UBE2F: variants seen among roughly 807,000 people sequenced by gnomAD.
The protein encoded by UBE2F is NEDD8-conjugating enzyme UBE2F.
Under a neutral mutation model 29.6 loss-of-function variants are expected in UBE2F, and 5 were observed. That is an observed-to-expected ratio of 0.17 (90% CI 0.09 to 0.36). The LOEUF is 0.36. Among genes scored for constraint, UBE2F ranks in the 10% least tolerant of loss-of-function variants. The pLI, the probability that UBE2F is intolerant of heterozygous loss-of-function variation, is 1.00. For missense variants in UBE2F, 141 were observed against 228.5 expected (o/e 0.62, Z 2.47); for synonymous variants, 66 against 81.8 (o/e 0.81, Z 1.04).
rs1026423877 is a variant in UBE2F, at chr2:238,033,243, G to A, written c.444+989G>A. Among the ~76,000 whole-genome samples, 5 of 152,362 alleles carry A rather than the reference G, an allele frequency of 3.3e-5. 1 individual carries two copies. The East Asian group carries it at 5.8e-4, about 18-fold the overall frequency. On this transcript the variant is annotated intron_variant, in intron 8 of 9. Transcript: ENST00000272930. ...TGTTCTCAGGAAATAGCATTTCTCA[G>A]ACAATGGCCCTAGGGCAGGAAGAGG...
intron 3 of UBE2F, among the ~76,000 whole-genome samples, chr2:237,993,296 T>C (rs2063626338): frequency 6.6e-6 from 1 of 152,206 alleles, no homozygotes; most frequent in Non-Finnish European, 1.5e-5. Flanking sequence ...AGCACTCTTC[T>C]TTTTAACTTC....
At chr2:237,981,614 CTTTTTTTTTTTTTTT>C (rs139270010) in intron 2 of UBE2F, among the ~76,000 whole-genome samples, 2,194 of 62,540 alleles carry the variant, frequency 0.035, 83 homozygotes, top group African/African-American at 0.13. Flanking sequence ...AATTTGAATT[CTTTTTTTTTTTTTTT>C]TTTTTTTTTT....
chr2:238,012,044 A>ATTTTTTT (rs34003831), intron 4 of UBE2F, among the ~76,000 whole-genome samples: 9 of 131,512 alleles, frequency 6.8e-5, no homozygotes, highest in Admixed American at 6.2e-4. Context: ...ACACCTGGCA[A>ATTTTTTT]TTTTTTTTTT....
chr2:238,038,880 T>C (rs2064778244), intron 9 of UBE2F, among the ~76,000 whole-genome samples: 1 of 152,218 alleles, frequency 6.6e-6, no homozygotes, highest in Non-Finnish European at 1.5e-5. Flanking sequence ...AGGATGACTG[T>C]GGGAATGACA....
At chr2:238,013,504 A>C (rs1247508682) in intron 4 of UBE2F, among the ~76,000 whole-genome samples, 3 of 129,514 alleles carry the variant, frequency 2.3e-5, no homozygotes, top group Admixed American at 2.3e-4. Flanking sequence ...CTTTTTTTGC[A>C]GGGGGGAAGA....
chr2:238,004,933 C>T (rs2063869809), intron 4 of UBE2F, among the ~76,000 whole-genome samples: 1 of 152,186 alleles, frequency 6.6e-6, no homozygotes, highest in Admixed American at 6.5e-5. Context: ...ATGCTGGCAG[C>T]TTCTGACCGC....
intron 4 of UBE2F, among the ~76,000 whole-genome samples, chr2:238,013,414 G>A (rs1436438624): frequency 3.3e-5 from 5 of 152,140 alleles, no homozygotes; most frequent in African/African-American, 4.8e-5. Context: ...TTATCAGTGC[G>A]TCACGGGTAC....
intron 6 of UBE2F, among the ~76,000 whole-genome samples, chr2:238,026,722 C>G (rs905045933): frequency 2.0e-5 from 3 of 152,128 alleles, no homozygotes; most frequent in African/African-American, 4.8e-5. Context: ...TGTGAGCCAC[C>G]GCGCCGGGCC....
chr2:238,002,456 C>T lies in UBE2F; in HGVS notation c.214+7647C>T, dbSNP rs936364546. Among the ~76,000 whole-genome samples the T allele has an allele frequency of 3.3e-5, 5 of 152,144 alleles. No individual in the cohort carries two copies. In the South Asian group the frequency reaches 6.2e-4, roughly 19 times the overall value. On this transcript the variant is annotated intron_variant, in intron 4 of 9. Coordinates refer to ENST00000272930, the MANE Select transcript of UBE2F (RefSeq NM_080678.3). Reference sequence around the variant, plus strand: ...TTCACTATGTTGGCCAGGCTGGTCTCGACCTCCTGACCTCTGGTGATCTTC... The same window carrying T: ...TTCACTATGTTGGCCAGGCTGGTCTTGACCTCCTGACCTCTGGTGATCTTC...
chr2:238,007,614 A>G (rs564516383), intron 4 of UBE2F, among the ~76,000 whole-genome samples: 2 of 152,280 alleles, frequency 1.3e-5, no homozygotes, highest in South Asian at 4.1e-4. Flanking sequence ...CTTTTTCTGC[A>G]TCTACTGAGG....
At chr2:238,007,102 C>T (rs1356360900) in intron 4 of UBE2F, among the ~76,000 whole-genome samples, 1 of 151,074 alleles carries the variant, frequency 6.6e-6, no homozygotes, top group Non-Finnish European at 1.5e-5. Flanking sequence ...TTCATCATTA[C>T]GTGTATGGTT....
At chr2:238,028,864 A>T (rs1374796662) in intron 6 of UBE2F, 1 of 152,354 alleles carries the variant, frequency 6.6e-6, no homozygotes, top group East Asian at 1.9e-4. Flanking sequence ...CCACAGCACA[A>T]TAATTCAACA....
chr2:238,029,278 T>TAA (rs11448486), intron 6 of UBE2F, among the ~76,000 whole-genome samples: 2,977 of 150,076 alleles, frequency 0.02, 43 homozygotes, highest in Non-Finnish European at 0.031. Flanking sequence ...TTTTGAACTT[T>TAA]AAAAAAATAA....
Position 237,992,473 on chromosome 2 carries a change from C to T in UBE2F, c.149-2271C>T, listed in dbSNP as rs764690125. Among the ~76,000 whole-genome samples the T allele has an allele frequency of 4.7e-4, 72 of 152,332 alleles. 1 individual carries two copies. The highest frequency in any genetic ancestry group is 2.9e-4 in the Non-Finnish European group (20 of 68,036). ...CTTTGGCTCCAGTTTGTTTATTTCT[C>T]AAGTAAGGACTGTGACATTGTCATC... On this transcript the variant is annotated intron_variant, in intron 3 of 9. Coordinates refer to ENST00000272930, the MANE Select transcript of UBE2F (RefSeq NM_080678.3).
At chr2:238,019,179 A>G (rs1034284064) in intron 5 of UBE2F, among the ~76,000 whole-genome samples, 1 of 151,972 alleles carries the variant, frequency 6.6e-6, no homozygotes, top group Non-Finnish European at 1.5e-5. Context: ...TGTAACGATG[A>G]TCTTACATTT....
intron 5 of UBE2F, among the ~76,000 whole-genome samples, chr2:238,017,095 C>G (rs1223619755): frequency 2.0e-5 from 3 of 152,090 alleles, no homozygotes; most frequent in Non-Finnish European, 4.4e-5. Context: ...AATAATTATA[C>G]CAAATACCAT....
At chr2:238,020,259 A>T (rs541149384) in intron 5 of UBE2F, among the ~76,000 whole-genome samples, 1 of 152,312 alleles carries the variant, frequency 6.6e-6, no homozygotes, top group African/African-American at 2.4e-5. Context: ...AGGCAAAAAC[A>T]CAAATTGTTC....
At chr2:237,997,989 GA>G in intron 4 of UBE2F, among the ~76,000 whole-genome samples, 1 of 152,324 alleles carries the variant, frequency 6.6e-6, no homozygotes, top group Non-Finnish European at 1.5e-5. Flanking sequence ...GGGACAGTTT[GA>G]AAAACTGGAC....
chr2:237,998,464 A>T (rs1410024523), intron 4 of UBE2F, among the ~76,000 whole-genome samples: 1 of 152,148 alleles, frequency 6.6e-6, no homozygotes, highest in African/African-American at 2.4e-5. Context: ...AAATTTACAC[A>T]TGTTGTGTGA....
Sources: gnomAD v4.1 joint callset for allele counts (sites outside exome capture counted in the v4.1 genomes callset) on GRCh38, gnomAD v4.1.1 for gene constraint, MANE v1.5 for transcripts, NCBI Gene and HGNC (gene_info 2026-07-23, HGNC 2026-07-21) for gene names.